CLIC5: variants seen among roughly 807,000 people sequenced by gnomAD.
CLIC5 encodes the protein chloride intracellular channel protein 5.
In CLIC5, 20 loss-of-function variants were observed where a neutral mutation model predicts 24.7. That is an observed-to-expected ratio of 0.81 (90% CI 0.57 to 1.18). The LOEUF (loss-of-function observed/expected upper bound fraction) is 1.18, where lower values mean the gene tolerates loss of function less well. CLIC5 is among the 50% of genes most tolerant of loss of function. CLIC5 has a pLI of 0.00. For synonymous variants in CLIC5, 159 were observed against 135.6 expected (o/e 1.17, Z -1.20); for missense variants, 341 against 326.1 (o/e 1.05, Z -0.35).
Position 46,038,821 on chromosome 6 carries a change from A to G in CLIC5, c.540+40882T>C, listed in dbSNP as rs143738230. Among the ~76,000 whole-genome samples, 26 of 152,372 alleles carry G rather than the reference A, an allele frequency of 1.7e-4. 1 individual carries two copies. The East Asian group carries it at 4.4e-3, about 26-fold the overall frequency. On this transcript the variant is annotated intron_variant, in intron 1 of 5. Coordinates refer to the CLIC5 transcript ENST00000185206. ...TTCAAGTAACAGAGAAAATTGCTAC[A>G]GCATCTGAACTATTTATCTTCCTAG...
chr6:46,098,986 G>C, the CLIC5 span, among the ~76,000 whole-genome samples: 1 of 152,242 alleles, frequency 6.6e-6, no homozygotes, highest in African/African-American at 2.4e-5. Flanking sequence ...GGCTGCGGGG[G>C]TGGGGGTAGA....
intron 1 of CLIC5, among the ~76,000 whole-genome samples, chr6:46,041,337 T>G (rs1767801811): frequency 6.6e-6 from 1 of 152,228 alleles, no homozygotes; most frequent in South Asian, 2.1e-4. Flanking sequence ...ATTACTATCA[T>G]TATGCTTTTG....
intron 5 of CLIC5, among the ~76,000 whole-genome samples, chr6:45,907,470 T>C (rs1222675738): frequency 1.3e-5 from 2 of 152,216 alleles, no homozygotes; most frequent in Non-Finnish European, 2.9e-5. Context: ...TCATCAGGGA[T>C]ATTGGCTTGA....
chr6:46,041,662 G>A (rs1200943961), intron 1 of CLIC5, among the ~76,000 whole-genome samples: 1 of 152,212 alleles, frequency 6.6e-6, no homozygotes, highest in Non-Finnish European at 1.5e-5. Context: ...TCATTTGAAT[G>A]TGAGTTAGGT....
chr6:46,074,231 G>T (rs1286108717), intron 1 of CLIC5, among the ~76,000 whole-genome samples: 1 of 151,916 alleles, frequency 6.6e-6, no homozygotes, highest in Non-Finnish European at 1.5e-5. Context: ...TAACATTTAA[G>T]GTGGTTAGAT....
At chr6:46,057,395 C>T (rs756776525) in intron 1 of CLIC5, among the ~76,000 whole-genome samples, 5 of 152,178 alleles carry the variant, frequency 3.3e-5, no homozygotes, top group Non-Finnish European at 5.9e-5. Context: ...CTCCTCTTGC[C>T]GTGACTCTGA....
chr6:45,981,827 A>T (rs1262669906), intron 1 of CLIC5, among the ~76,000 whole-genome samples: 1 of 152,100 alleles, frequency 6.6e-6, no homozygotes, highest in Non-Finnish European at 1.5e-5. Context: ...ATGAAACCCC[A>T]TCTCTACAAA....
chr6:46,012,610 G>A (rs1293608291), intron 1 of CLIC5, among the ~76,000 whole-genome samples: 1 of 152,204 alleles, frequency 6.6e-6, no homozygotes, highest in Non-Finnish European at 1.5e-5. Context: ...TATCAGGCCT[G>A]ACATATAGGT....
chr6:46,127,623 A>T, the CLIC5 span, among the ~76,000 whole-genome samples: 1 of 152,210 alleles, frequency 6.6e-6, no homozygotes, highest in Non-Finnish European at 1.5e-5. Flanking sequence ...TTAAAGTTCT[A>T]CAATGAAACT....
At chr6:46,063,479 G>T (rs192853836) in intron 1 of CLIC5, among the ~76,000 whole-genome samples, 6 of 152,340 alleles carry the variant, frequency 3.9e-5, no homozygotes, top group Admixed American at 3.9e-4. Context: ...ATGGAGTTTG[G>T]AGTTCGGGAA....
At chr6:46,079,212 A>C (rs984029061) in intron 1 of CLIC5, among the ~76,000 whole-genome samples, 2 of 152,186 alleles carry the variant, frequency 1.3e-5, no homozygotes, top group Non-Finnish European at 2.9e-5. Context: ...GACTTCATCA[A>C]ATTTTTAGTT....
the CLIC5 span, among the ~76,000 whole-genome samples, chr6:46,088,653 A>T: frequency 2.0e-5 from 3 of 152,198 alleles, no homozygotes; most frequent in Admixed American, 1.3e-4. Flanking sequence ...ATTCTTTTTT[A>T]AAAAGAAAGA....
At chr6:46,126,528 C>A in the CLIC5 span, among the ~76,000 whole-genome samples, 1 of 152,092 alleles carries the variant, frequency 6.6e-6, no homozygotes, top group Non-Finnish European at 1.5e-5. Context: ...ATTTTACAAT[C>A]TTAACTTGAT....
intron 1 of CLIC5, among the ~76,000 whole-genome samples, chr6:46,059,479 A>G (rs1762175508): frequency 6.6e-6 from 1 of 152,260 alleles, no homozygotes; most frequent in African/African-American, 2.4e-5. Context: ...ATGTACAAAT[A>G]GCCTGAAGAA....
chr6:45,980,074 G>T (rs1364904081), intron 1 of CLIC5, among the ~76,000 whole-genome samples: 1 of 141,926 alleles, frequency 7.0e-6, no homozygotes, highest in African/African-American at 2.6e-5. Context: ...GTTAATTTTT[G>T]TATGTGGTGA....
chr6:45,926,549 C>T lies in CLIC5; in HGVS notation c.407-12140G>A, dbSNP rs1398030267. On this transcript the variant is annotated intron_variant, in intron 4 of 5. Transcript: ENST00000339561. Reference sequence around the variant, plus strand: ...GGGATTATAGGCATGAGCCACCGCGCCCGGCCAGAGAAACGTATTTTATTT... The same window carrying T: ...GGGATTATAGGCATGAGCCACCGCGTCCGGCCAGAGAAACGTATTTTATTT... Among the ~76,000 whole-genome samples the T allele has an allele frequency of 2.6e-5, 4 of 152,196 alleles. No individual in the cohort carries two copies. The East Asian group carries it at 7.7e-4, about 29-fold the overall frequency.
chr6:45,946,894 C>T (rs762936594), intron 3 of CLIC5, among the ~76,000 whole-genome samples: 3 of 152,218 alleles, frequency 2.0e-5, no homozygotes, highest in East Asian at 1.9e-4. Flanking sequence ...CAGCATCAAG[C>T]GTTCTGCTAC....
chr6:46,029,163 C>T (rs945390306), intron 1 of CLIC5, among the ~76,000 whole-genome samples: 1 of 152,130 alleles, frequency 6.6e-6, no homozygotes, highest in Admixed American at 6.5e-5. Context: ...ATATCCCTAG[C>T]AATGAGCACA....
At chr6:45,986,914 G>T (rs889625040) in intron 1 of CLIC5, among the ~76,000 whole-genome samples, 1 of 152,186 alleles carries the variant, frequency 6.6e-6, no homozygotes, top group South Asian at 2.1e-4. Flanking sequence ...AGACCCTGGG[G>T]TCATATTATT....
Sources: allele counts gnomAD v4.1 joint callset (sites outside exome capture counted in the v4.1 genomes callset), GRCh38; gene constraint gnomAD v4.1.1; transcripts MANE v1.5; gene names NCBI Gene and HGNC (gene_info 2026-07-23, HGNC 2026-07-21).